The following BOC variants were observed in gnomAD, a reference collection of about 807,000 sequenced individuals.
The protein encoded by BOC is brother of CDO.
Under a neutral mutation model 112.0 loss-of-function variants are expected in BOC, and 76 were observed. The observed-to-expected ratio is 0.68, with a 90% CI of 0.56 to 0.82. BOC has a LOEUF of 0.82. Among genes scored for constraint, BOC ranks in the 40% least tolerant of loss-of-function variants. The probability of loss-of-function intolerance (pLI) is 0.00; values close to 1 mark genes in which losing one functional copy is unlikely to be tolerated. For synonymous variants in BOC, 580 were observed against 599.8 expected, an observed-to-expected ratio of 0.97 and a Z score of 0.48; for missense variants, 1,309 against 1,511.7, an observed-to-expected ratio of 0.87 and a Z score of 2.22.
chr3:113,256,233 C>G (rs1024250836), intron 4 of BOC, among the ~76,000 whole-genome samples: 11 of 152,202 alleles, frequency 7.2e-5, no homozygotes, highest in African/African-American at 2.4e-4. Flanking sequence ...CTTAGGAAGA[C>G]AGTCCAGAGG....
chr3:113,287,104 C>T lies in BOC; in HGVS notation c.*242C>T, dbSNP rs1000493678. 7.5e-6 allele frequency: 4 copies of T among 533,840 alleles called. No homozygotes were observed. Among genetic ancestry groups the T allele is most frequent in the Admixed American group, 2.3e-5 (1 of 44,294 alleles). The allele number at this position is 533,840 out of a possible 1,614,324, so 33.1% of individuals were successfully genotyped here. A position where few individuals can be genotyped will look rare whatever the true frequency, so the allele number is the denominator to read the frequency against. On this transcript the variant is annotated 3_prime_UTR_variant, in exon 20 of 20. Coordinates refer to ENST00000682979, the MANE Select transcript of BOC (RefSeq NM_001378074.1). ...TAACAGGAGTCACCCAGGAAAGCAC[C>T]GCACAGGCTGGCGCGGGACAGACTC...
chr3:113,262,749 TG>T (rs1477342605), intron 4 of BOC, among the ~76,000 whole-genome samples: 2 of 152,222 alleles, frequency 1.3e-5, no homozygotes. Flanking sequence ...GGAATAACCT[TG>T]GGGTCATGCC....
intron 2 of BOC, among the ~76,000 whole-genome samples, chr3:113,236,831 G>A (rs1006953378): frequency 1.3e-5 from 2 of 152,194 alleles, no homozygotes; most frequent in African/African-American, 4.8e-5. Flanking sequence ...TGGAAGAAAA[G>A]TTTCATGACC....
chr3:113,247,436 A>T (rs2107344882), intron 2 of BOC, among the ~76,000 whole-genome samples: 1 of 150,620 alleles, frequency 6.6e-6, no homozygotes, highest in Non-Finnish European at 1.5e-5. Context: ...TCACTGTTAA[A>T]ATGTCCCACT....
chr3:113,214,987 C>G (rs1390158602), intron 1 of BOC, among the ~76,000 whole-genome samples: 1 of 152,198 alleles, frequency 6.6e-6, no homozygotes, highest in Non-Finnish European at 1.5e-5. Flanking sequence ...TGCATGCATA[C>G]TTTTGACATA....
At chr3:113,229,220 G>A (rs890042507) in intron 2 of BOC, among the ~76,000 whole-genome samples, 2 of 152,198 alleles carry the variant, frequency 1.3e-5, no homozygotes, top group Non-Finnish European at 2.9e-5. Context: ...TGGTTTCAGT[G>A]GAGCCAAAGC....
At position 113,281,195 on chromosome 3, in the gene BOC, G is replaced by A. The variant is rs199678077; in HGVS notation, c.2434+42G>A. On this transcript the variant is annotated intron_variant, in intron 15 of 19. Transcript: ENST00000682979. Reference sequence around the variant, plus strand: ...TCTCTCTCCTGTCTTGGTGTTTCCAGCGAGGGAAGGCAGAGTCACCATTCC... The same window carrying A: ...TCTCTCTCCTGTCTTGGTGTTTCCAACGAGGGAAGGCAGAGTCACCATTCC... 2.5e-6 allele frequency: 4 copies of A among 1,606,546 alleles called. No homozygotes were observed. The African/African-American group carries it at 5.3e-5, about 21-fold the overall frequency.
intron 2 of BOC, among the ~76,000 whole-genome samples, chr3:113,246,777 G>C (rs9288981): frequency 0.41 from 61,606 of 151,878 alleles, 13,922 homozygotes; most frequent in East Asian, 0.59. Context: ...TCTTACAACT[G>C]TGTTGTGGGG....
intron 1 of BOC, among the ~76,000 whole-genome samples, chr3:113,213,571 C>T (rs1176099522): frequency 6.6e-6 from 1 of 152,198 alleles, no homozygotes; most frequent in Non-Finnish European, 1.5e-5. Flanking sequence ...GATGCCCATA[C>T]ATCTGGGTGA....
chr3:113,217,716 G>T (rs972631903), intron 2 of BOC, among the ~76,000 whole-genome samples: 2 of 152,126 alleles, frequency 1.3e-5, no homozygotes, highest in African/African-American at 2.4e-5. Context: ...TCAGTGAATG[G>T]TAGGCCTAAG....
At position 113,280,623 on chromosome 3, in the gene BOC, C is replaced by T; in HGVS notation, c.2271C>T (p.Asp757=). 1 of 1,612,196 alleles carries T rather than the reference C, an allele frequency of 6.2e-7. No homozygotes were observed. The highest frequency in any genetic ancestry group is 1.1e-5 in the South Asian group (1 of 91,042). ...HGFYIYYRPT[D]SDNDSDYKKD... ...TTTATATCTATTATCGACCCACAGA[C>T]AGTGACAATGATAGTGACTACAAGA... is the stretch of plus-strand genomic sequence containing the variant. Residue 757 remains aspartate (D), a synonymous_variant, in exon 14 of 20, where the codon GAC becomes GAT. Coordinates refer to ENST00000682979, the MANE Select transcript of BOC (RefSeq NM_001378074.1).
intron 2 of BOC, among the ~76,000 whole-genome samples, chr3:113,244,626 C>T (rs1944682156): frequency 6.6e-6 from 1 of 152,102 alleles, no homozygotes; most frequent in Non-Finnish European, 1.5e-5. Flanking sequence ...AACTTCATAG[C>T]CCTGAGTGGC....
At chr3:113,217,881 A>G (rs903471030) in intron 2 of BOC, among the ~76,000 whole-genome samples, 16 of 152,160 alleles carry the variant, frequency 1.1e-4, no homozygotes, top group African/African-American at 3.6e-4. Context: ...TCGGGGAGAA[A>G]AGGAGAAGTG....
intron 2 of BOC, among the ~76,000 whole-genome samples, chr3:113,233,151 GTGT>G (rs1559816860): frequency 1.4e-4 from 11 of 81,312 alleles, no homozygotes; most frequent in South Asian, 3.8e-4. Flanking sequence ...GGATTGGGGT[GTGT>G]GTGTGTGTGT....
intron 15 of BOC, among the ~76,000 whole-genome samples, 180 bp from the exon 16 acceptor site, chr3:113,283,231 C>CATT (rs1949354062): frequency 6.6e-6 from 1 of 152,178 alleles, no homozygotes; most frequent in African/African-American, 2.4e-5. Flanking sequence ...CCAGATTTCA[C>CATT]ATTAGATTCC....
In BOC at chr3:113,279,303, A is replaced by T. The variant is rs1423723709; in HGVS notation, c.1871A>T (p.Tyr624Phe). 3 of 1,613,980 alleles carry T rather than the reference A, an allele frequency of 1.9e-6. No homozygotes were observed. The African/African-American group carries it at 4.0e-5, about 22-fold the overall frequency. The change falls in exon 12 of 20, where the codon TAC (tyrosine) becomes TTC (phenylalanine). Residue 624 changes from tyrosine (Y) to phenylalanine (F), a missense_variant. Transcript: ENST00000682979. ...TCCACGGCCTCCGAGACCTCAGTGT[A>T]CGTGACCTGGATTCCCCGTGGGAAT... Reference protein sequence around the residue: ...TISTASETSVYVTWIPRGNGG... With the variant: ...TISTASETSVFVTWIPRGNGG...
At chr3:113,243,375 A>G (rs750385494) in intron 2 of BOC, among the ~76,000 whole-genome samples, 5 of 152,232 alleles carry the variant, frequency 3.3e-5, no homozygotes, top group Non-Finnish European at 5.9e-5. Flanking sequence ...GATTACACCC[A>G]TATCATTAGT....
intron 2 of BOC, among the ~76,000 whole-genome samples, chr3:113,222,403 A>C (rs569744068): frequency 6.6e-5 from 10 of 152,334 alleles, no homozygotes; most frequent in African/African-American, 1.7e-4. Flanking sequence ...CATTAAATGC[A>C]TTCTGGAGTA....
intron 2 of BOC, among the ~76,000 whole-genome samples, chr3:113,236,184 T>C (rs1261172477): frequency 7.6e-6 from 1 of 132,084 alleles, no homozygotes; most frequent in East Asian, 2.1e-4. Context: ...CAACATATGA[T>C]TGGATAAAGA....
Sources: allele counts gnomAD v4.1 joint callset (sites outside exome capture counted in the v4.1 genomes callset), GRCh38; gene constraint gnomAD v4.1.1; transcripts MANE v1.5; gene names NCBI Gene and HGNC (gene_info 2026-07-23, HGNC 2026-07-21).